Variants in HUNK observed in about 807,000 individuals in gnomAD.
HUNK encodes hormonally up-regulated Neu-associated kinase.
In HUNK, 21 loss-of-function variants were observed where a neutral mutation model predicts 61.0. The observed-to-expected ratio is 0.34, with a 90% CI of 0.24 to 0.50. The LOEUF (loss-of-function observed/expected upper bound fraction) is 0.50. Among genes scored for constraint, HUNK ranks in the 20% least tolerant of loss-of-function variants. HUNK has a pLI of 0.98. For missense variants in HUNK, 772 were observed against 945.7 expected, an observed-to-expected ratio of 0.82 and a Z score of 2.41; for synonymous variants, 371 against 386.1, an observed-to-expected ratio of 0.96 and a Z score of 0.46.
intron 1 of HUNK, among the ~76,000 whole-genome samples, chr21:31,904,646 G>A (rs1246055039): frequency 1.3e-5 from 2 of 152,132 alleles, no homozygotes; most frequent in Non-Finnish European, 2.9e-5. Context: ...GGTCTTCCGT[G>A]TTTTAGATCT....
chr21:31,880,569 T>C (rs1309515662), intron 1 of HUNK, among the ~76,000 whole-genome samples: 5 of 152,226 alleles, frequency 3.3e-5, no homozygotes. Flanking sequence ...CTCTTCTGTC[T>C]CTTAATCTTT....
At chr21:31,965,790 C>T (rs1432380544) in intron 5 of HUNK, among the ~76,000 whole-genome samples, 1 of 151,662 alleles carries the variant, frequency 6.6e-6, no homozygotes, top group African/African-American at 2.4e-5. Context: ...TTAGTAGAGA[C>T]GGGGTTTCGC....
intron 1 of HUNK, among the ~76,000 whole-genome samples, chr21:31,899,596 G>T (rs567791551): frequency 3.7e-4 from 56 of 152,296 alleles, no homozygotes; most frequent in African/African-American, 1.3e-3. Flanking sequence ...GGACTTCAAT[G>T]TATCTTTATG....
intron 2 of HUNK, among the ~76,000 whole-genome samples, chr21:31,934,998 T>C (rs896614183): frequency 6.6e-6 from 1 of 152,200 alleles, no homozygotes; most frequent in African/African-American, 2.4e-5. Context: ...TTCACCCTTT[T>C]TTATTCCAGT....
chr21:31,922,570 A>G (rs990805720), intron 1 of HUNK, among the ~76,000 whole-genome samples: 1 of 150,748 alleles, frequency 6.6e-6, no homozygotes, highest in African/African-American at 2.4e-5. Flanking sequence ...CAAGTAATTC[A>G]CCCTCCTCGG....
intron 2 of HUNK, among the ~76,000 whole-genome samples, chr21:31,933,784 CAA>C (rs373565140): frequency 3.8e-4 from 42 of 111,166 alleles, no homozygotes; most frequent in Admixed American, 4.9e-4. Context: ...GACTCTGTCT[CAA>C]AAAAAAAAAA....
intron 1 of HUNK, among the ~76,000 whole-genome samples, chr21:31,889,108 CCCTT>C (rs1568917157): frequency 6.6e-6 from 1 of 152,122 alleles, no homozygotes; most frequent in African/African-American, 2.4e-5. Flanking sequence ...AGTGAACAGT[CCCTT>C]CCAGTCTCCT....
At chr21:31,984,736 G>C (rs1007265585) in intron 8 of HUNK, among the ~76,000 whole-genome samples, 16 of 152,166 alleles carry the variant, frequency 1.1e-4, no homozygotes, top group Admixed American at 8.5e-4. Context: ...CTTTCTCTCA[G>C]TGATTTTCCT....
At chr21:31,898,905 A>G (rs2052444112) in intron 1 of HUNK, among the ~76,000 whole-genome samples, 1 of 152,198 alleles carries the variant, frequency 6.6e-6, no homozygotes, top group Non-Finnish European at 1.5e-5. Flanking sequence ...ATAGTTTGTT[A>G]GGCTCCTCTT....
chr21:31,972,759 A>G (rs2053020615), intron 6 of HUNK, among the ~76,000 whole-genome samples: 1 of 152,332 alleles, frequency 6.6e-6, no homozygotes, highest in East Asian at 1.9e-4. Context: ...ATTTTGTGAC[A>G]AACAGGAATG....
At chr21:31,889,827 AGTACCTGAGAAT>A (rs1255232240) in intron 1 of HUNK, among the ~76,000 whole-genome samples, 1 of 152,206 alleles carries the variant, frequency 6.6e-6, no homozygotes, top group Non-Finnish European at 1.5e-5. Flanking sequence ...CAGCTGAGAA[AGTACCTGAGAAT>A]GTGCGGGGTA....
At chr21:31,950,003 C>A (rs1267461399) in intron 4 of HUNK, among the ~76,000 whole-genome samples, 1 of 152,196 alleles carries the variant, frequency 6.6e-6, no homozygotes, top group Non-Finnish European at 1.5e-5. Context: ...CACTTGCCCC[C>A]ATGACACAGC....
chr21:31,974,526 G>A, intron 6 of HUNK, 29 bp from the exon 7 acceptor site: 1 of 1,600,668 alleles, frequency 6.2e-7, no homozygotes, highest in Non-Finnish European at 8.5e-7. Context: ...GTGCAGGGGT[G>A]ACTGGTCCTC....
At chr21:31,973,699 G>T (rs73901241) in intron 6 of HUNK, among the ~76,000 whole-genome samples, 3,317 of 152,192 alleles carry the variant, frequency 0.022, 140 homozygotes, top group African/African-American at 0.075. Context: ...CTTCCTGCCT[G>T]TGTGACCCTG....
At chr21:31,988,150 G>C (rs936047460) in intron 8 of HUNK, among the ~76,000 whole-genome samples, 1 of 152,170 alleles carries the variant, frequency 6.6e-6, no homozygotes, top group Non-Finnish European at 1.5e-5. Context: ...GGCAGAGACT[G>C]TATCTATAAA....
chr21:31,964,515 T>C (rs150325756), intron 5 of HUNK, among the ~76,000 whole-genome samples: 1 of 152,338 alleles, frequency 6.6e-6, no homozygotes, highest in East Asian at 1.9e-4. Context: ...AGGGTGGTAC[T>C]ATTTTTCCAG....
chr21:31,902,505 T>C (rs1200002922), intron 1 of HUNK, among the ~76,000 whole-genome samples: 1 of 151,888 alleles, frequency 6.6e-6, no homozygotes, highest in Non-Finnish European at 1.5e-5. Flanking sequence ...AGCAAAACTC[T>C]ATCTCCAAAA....
chr21:31,917,743 CACACACACACA>C (rs2052594783), intron 1 of HUNK, among the ~76,000 whole-genome samples: 3 of 146,772 alleles, frequency 2.0e-5, no homozygotes. Flanking sequence ...CACACACACA[CACACACACACA>C]CACCCCTGGA....
intron 1 of HUNK, among the ~76,000 whole-genome samples, chr21:31,918,356 T>C (rs1239353945): frequency 6.6e-6 from 1 of 152,156 alleles, no homozygotes; most frequent in Non-Finnish European, 1.5e-5. Flanking sequence ...GAGGGAACCT[T>C]GATGGCAGAA....
Sources: allele counts gnomAD v4.1 joint callset (sites outside exome capture counted in the v4.1 genomes callset), GRCh38; gene constraint gnomAD v4.1.1; transcripts MANE v1.5; gene names NCBI Gene and HGNC (gene_info 2026-07-23, HGNC 2026-07-21).